Variants in SLIT2 observed in about 807,000 individuals in gnomAD.
SLIT2 encodes the protein slit guidance ligand 2.
A neutral mutation model predicts 185.7 loss-of-function variants in SLIT2; 41 were observed. The observed-to-expected ratio is 0.22, with a 90% CI of 0.17 to 0.29. The LOEUF (loss-of-function observed/expected upper bound fraction) is 0.29, where lower values mean the gene tolerates loss of function less well. Ranked by LOEUF, SLIT2 falls within the 10% of genes least tolerant of loss-of-function variation. The pLI is 1.00. For missense variants in SLIT2, 1,571 were observed against 1,909.0 expected, an observed-to-expected ratio of 0.82 and a Z score of 3.30; for synonymous variants, 693 against 680.2, an observed-to-expected ratio of 1.02 and a Z score of -0.29.
chr4:20,615,050 A>T (rs1729546196), intron 34 of SLIT2: 1 of 152,226 alleles, frequency 6.6e-6, no homozygotes, highest in African/African-American at 2.4e-5. Context: ...TGACATGTGC[A>T]CATATGTGTG....
intron 34 of SLIT2, among the ~76,000 whole-genome samples, chr4:20,613,572 G>C (rs1199474481): frequency 2.0e-5 from 3 of 152,082 alleles, no homozygotes; most frequent in Non-Finnish European, 1.5e-5. Flanking sequence ...CTTAATTCCT[G>C]GGTGCTGAAA....
chr4:20,541,857 G>A (rs1167198106), intron 20 of SLIT2, among the ~76,000 whole-genome samples: 1 of 128,886 alleles, frequency 7.8e-6, no homozygotes, highest in African/African-American at 2.7e-5. Flanking sequence ...CCAACTTGTG[G>A]TTGGTCTTAC....
At chr4:20,321,393 A>G (rs1719068585) in intron 4 of SLIT2, among the ~76,000 whole-genome samples, 1 of 152,164 alleles carries the variant, frequency 6.6e-6, no homozygotes, top group East Asian at 1.9e-4. Context: ...CTAGCAGGAA[A>G]ATCTTCAGGG....
chr4:20,489,266 T>C (rs890657734), intron 8 of SLIT2, among the ~76,000 whole-genome samples: 4 of 152,220 alleles, frequency 2.6e-5, no homozygotes, highest in Admixed American at 6.5e-5. Flanking sequence ...TACTTTTGAT[T>C]TTTTATTTTC....
chr4:20,542,840 GT>G (rs1398678440), intron 21 of SLIT2, among the ~76,000 whole-genome samples: 1 of 94,158 alleles, frequency 1.1e-5, no homozygotes, highest in African/African-American at 4.9e-5. Context: ...GTGTGTGTGT[GT>G]GTGTGTGTGT....
intron 4 of SLIT2, among the ~76,000 whole-genome samples, chr4:20,351,161 G>C (rs1472241798): frequency 6.6e-6 from 1 of 151,340 alleles, no homozygotes; most frequent in Non-Finnish European, 1.5e-5. Context: ...CAATTCTCCT[G>C]CTTCAGCCTC....
At chr4:20,552,973 T>G (rs1723909865) in intron 25 of SLIT2, among the ~76,000 whole-genome samples, 1 of 152,212 alleles carries the variant, frequency 6.6e-6, no homozygotes, top group African/African-American at 2.4e-5. Flanking sequence ...AAATGGCTTA[T>G]CCCAGCTCCT....
chr4:20,506,722 A>G (rs983849619), intron 9 of SLIT2, among the ~76,000 whole-genome samples: 3 of 152,014 alleles, frequency 2.0e-5, no homozygotes, highest in African/African-American at 7.2e-5. Flanking sequence ...AGTACACATT[A>G]GTTTATTGTT....
chr4:20,591,193 C>T (rs1443566317), intron 30 of SLIT2, among the ~76,000 whole-genome samples: 3 of 152,094 alleles, frequency 2.0e-5, no homozygotes, highest in Non-Finnish European at 2.9e-5. Context: ...ATGACCCAAG[C>T]TCAATTGCCA....
In SLIT2 at chr4:20,559,964, C is replaced by A. The variant is rs557254227; in HGVS notation, c.2725+5996C>A. ...CTTGTAAAAATGGATTGGTAGAAGG[C>A]CAAGTATTTTAATCTATTAATTAAA... On this transcript the variant is annotated intron_variant, in intron 26 of 36. Coordinates refer to ENST00000504154, the MANE Select transcript of SLIT2 (RefSeq NM_004787.4). 1.1e-3 allele frequency among the ~76,000 whole-genome samples: 160 copies of A among 151,832 alleles called. 1 individual carries two copies. The highest frequency in any genetic ancestry group is 2.0e-3 in the Non-Finnish European group (136 of 67,922).
intron 29 of SLIT2, among the ~76,000 whole-genome samples, chr4:20,582,948 G>T (rs1052236273): frequency 6.6e-6 from 1 of 152,202 alleles, no homozygotes; most frequent in African/African-American, 2.4e-5. Flanking sequence ...ACCCTGGATA[G>T]AGATAATTTA....
chr4:20,554,742 T>C, intron 26 of SLIT2, among the ~76,000 whole-genome samples: 1 of 151,034 alleles, frequency 6.6e-6, no homozygotes, highest in South Asian at 2.1e-4. Flanking sequence ...GATTGTGGGG[T>C]TTTGGGGGGG....
At chr4:20,367,812 A>G (rs1022390668) in intron 4 of SLIT2, among the ~76,000 whole-genome samples, 1 of 151,948 alleles carries the variant, frequency 6.6e-6, no homozygotes, top group Non-Finnish European at 1.5e-5. Flanking sequence ...GCACCTCCTC[A>G]TTATCTCTCC....
At chr4:20,548,629 C>A in intron 23 of SLIT2, 70 bp downstream of exon 23, 1 of 905,526 alleles carries the variant, frequency 1.1e-6, no homozygotes, top group Non-Finnish European at 1.8e-6. Context: ...AGATGCTGGA[C>A]ATTGCTATTG....
At position 20,488,683 on chromosome 4, in the gene SLIT2, G is replaced by C. The variant is rs571572861; in HGVS notation, c.612-136G>C. ...GACTTGATTCTGTGATTGTACATCA[G>C]TTTAATTTTTAGGAAAAATAATTAT... On this transcript the variant is annotated intron_variant, in intron 7 of 36. Coordinates refer to ENST00000504154, the MANE Select transcript of SLIT2 (RefSeq NM_004787.4). The C allele has an allele frequency of 3.9e-5, 23 of 583,292 alleles. No individual in the cohort carries two copies. The African/African-American group carries it at 4.1e-4, about 10-fold the overall frequency. The allele number at this position is 583,292 out of a possible 1,614,324, so 36.1% of individuals were successfully genotyped here.
At chr4:20,405,600 A>C (rs1726715810) in intron 4 of SLIT2, among the ~76,000 whole-genome samples, 1 of 151,916 alleles carries the variant, frequency 6.6e-6, no homozygotes, top group Non-Finnish European at 1.5e-5. Context: ...ACAGGAAAAC[A>C]TGGAGGCTAT....
chr4:20,265,547 C>T (rs896044619), intron 3 of SLIT2, among the ~76,000 whole-genome samples: 1 of 151,878 alleles, frequency 6.6e-6, no homozygotes, highest in Non-Finnish European at 1.5e-5. Flanking sequence ...ATCCTAAAAA[C>T]AGAAACGTAT....
At chr4:20,364,832 G>A (rs1722990668) in intron 4 of SLIT2, among the ~76,000 whole-genome samples, 1 of 152,112 alleles carries the variant, frequency 6.6e-6, no homozygotes, top group African/African-American at 2.4e-5. Context: ...GTAATATACT[G>A]TGAAGTTCCT....
chr4:20,282,367 A>T (rs1714858599), intron 4 of SLIT2, among the ~76,000 whole-genome samples: 1 of 152,228 alleles, frequency 6.6e-6, no homozygotes, highest in Admixed American at 6.5e-5. Context: ...ATTTCCAAAT[A>T]ACTATTATAC....
Sources: gnomAD v4.1 joint callset for allele counts (sites outside exome capture counted in the v4.1 genomes callset) on GRCh38, gnomAD v4.1.1 for gene constraint, MANE v1.5 for transcripts, NCBI Gene and HGNC (gene_info 2026-07-23, HGNC 2026-07-21) for gene names.